BBS9: variants seen among roughly 807,000 people sequenced by gnomAD.
The protein encoded by BBS9 is Bardet-Biedl syndrome 9, also known as protein PTHB1.
Under a neutral mutation model 117.7 loss-of-function variants are expected in BBS9, and 89 were observed. The ratio of observed to expected loss-of-function variants is 0.76; its 90% confidence interval spans 0.64 to 0.90. The LOEUF is 0.90. Ranked by LOEUF, BBS9 falls within the 40% of genes least tolerant of loss-of-function variation. The pLI, the probability that BBS9 is intolerant of heterozygous loss-of-function variation, is 0.00. For missense variants in BBS9, 982 were observed against 1,042.2 expected, an observed-to-expected ratio of 0.94 and a Z score of 0.80; for synonymous variants, 379 against 370.9, an observed-to-expected ratio of 1.02 and a Z score of -0.25.
At chr7:33,264,644 A>G (rs1798511368) in intron 7 of BBS9, among the ~76,000 whole-genome samples, 1 of 152,144 alleles carries the variant, frequency 6.6e-6, no homozygotes, top group Non-Finnish European at 1.5e-5. Context: ...ACAAATAAAA[A>G]TAGAAACATT....
rs556897789 is a variant in BBS9, at chr7:33,365,642, C to T, written c.1694-2125C>T. Among the ~76,000 whole-genome samples the T allele has an allele frequency of 6.6e-5, 10 of 152,310 alleles. No homozygotes were observed. The East Asian group carries it at 1.9e-3, about 29-fold the overall frequency. On this transcript the variant is annotated intron_variant, in intron 16 of 22. Transcript: ENST00000242067. ...GTTTCCAGTGCCTGATGAGTGGTAC[C>T]TATGGAGATGCCATGGAGCCAAGTC...
At chr7:33,317,590 A>G (rs575806186) in intron 9 of BBS9, among the ~76,000 whole-genome samples, 24 of 152,302 alleles carry the variant, frequency 1.6e-4, no homozygotes, top group African/African-American at 5.3e-4. Flanking sequence ...TTCACCCCCT[A>G]AAGATGTTTG....
intron 21 of BBS9, among the ~76,000 whole-genome samples, chr7:33,631,394 A>C (rs1865884661): frequency 6.6e-6 from 1 of 152,158 alleles, no homozygotes; most frequent in South Asian, 2.1e-4. Flanking sequence ...TTCTCTGGAA[A>C]GGCTTTAATG....
intron 19 of BBS9, among the ~76,000 whole-genome samples, chr7:33,421,185 T>G (rs1020731778): frequency 1.3e-5 from 2 of 152,118 alleles, no homozygotes; most frequent in African/African-American, 4.8e-5. Context: ...TTTAATTTTT[T>G]TTTTTTTTAC....
rs751604593 is a variant in BBS9 at position 33,340,947 on chromosome 7, G to A, written c.1249G>A (p.Val417Ile). Residue 417 changes from valine (V) to isoleucine (I), a missense_variant, in exon 11 of 23, where the codon GTT becomes ATT. Val to Ile is a conservative substitution (Grantham distance 29). Coordinates refer to ENST00000242067, the MANE Select transcript of BBS9 (RefSeq NM_198428.3). ...REDDLNVSVV[V>I]SPNFDSVSQA... The stretch of plus-strand genomic sequence containing the variant: ...AGATGACTTGAACGTTTCTGTCGTG[G>A]TTTCTCCTAACTTTGATTCAGTTTC... The A allele has an allele frequency of 9.3e-6, 15 of 1,613,498 alleles. No homozygotes were observed. In the South Asian group the frequency reaches 1.6e-4, roughly 18 times the overall value.
At chr7:33,569,552 G>C (rs553754678) in intron 21 of BBS9, among the ~76,000 whole-genome samples, 229 of 151,586 alleles carry the variant, frequency 1.5e-3, no homozygotes, top group African/African-American at 5.3e-3. Flanking sequence ...TCAGGAGATC[G>C]AGACCATCCT....
At chr7:33,413,810 T>G (rs1335383546) in intron 19 of BBS9, among the ~76,000 whole-genome samples, 1 of 151,784 alleles carries the variant, frequency 6.6e-6, no homozygotes, top group Non-Finnish European at 1.5e-5. Context: ...TCACCTGAGG[T>G]CAGGAGTTTG....
intron 9 of BBS9, among the ~76,000 whole-genome samples, 165 bp downstream of exon 9, chr7:33,274,121 G>A (rs905899095): frequency 3.3e-5 from 5 of 152,108 alleles, no homozygotes; most frequent in African/African-American, 1.2e-4. Context: ...TTATTGGAAA[G>A]GAAGGATAAT....
intron 17 of BBS9, among the ~76,000 whole-genome samples, chr7:33,382,569 G>A (rs1331326473): frequency 2.6e-5 from 4 of 152,086 alleles, no homozygotes; most frequent in Non-Finnish European, 5.9e-5. Flanking sequence ...CTAGTGAACT[G>A]TAGACATAGT....
intron 5 of BBS9, among the ~76,000 whole-genome samples, chr7:33,243,950 G>C (rs1014366968): frequency 6.6e-6 from 1 of 152,094 alleles, no homozygotes; most frequent in Admixed American, 6.5e-5. Flanking sequence ...GGGGCCAGGC[G>C]GAGTGGCTCA....
At chr7:33,205,859 G>C (rs1299145965) in intron 5 of BBS9, among the ~76,000 whole-genome samples, 8 of 152,088 alleles carry the variant, frequency 5.3e-5, no homozygotes, top group Non-Finnish European at 8.8e-5. Context: ...TCACTGTCTT[G>C]ATTTGACAGT....
At chr7:33,177,861 C>A in intron 5 of BBS9, 1 of 361,684 alleles carries the variant, frequency 2.8e-6, no homozygotes, top group Non-Finnish European at 5.1e-6. Flanking sequence ...TAAAAAAAAA[C>A]CTTTAAACAT....
rs1283079942 is a variant in BBS9 at position 33,273,041 on chromosome 7, A to T, written c.732A>T (p.Gln244His). Reference sequence around the variant, plus strand: ...ATTGGACTCTAAATATTGGAGAGCAAGCCCTTGACATATGTATTGTCTCTT... The same window carrying T: ...ATTGGACTCTAAATATTGGAGAGCATGCCCTTGACATATGTATTGTCTCTT... ...VVDWTLNIGEQALDICIVSFN... is the reference protein window; with the variant it reads ...VVDWTLNIGEHALDICIVSFN... Residue 244 changes from glutamine (Q) to histidine (H), a missense_variant, in exon 8 of 23, where the codon CAA (glutamine) becomes CAT (histidine). Gln to His is a conservative substitution (Grantham distance 24). Transcript: ENST00000242067. The T allele has an allele frequency of 3.1e-6, 5 of 1,613,568 alleles. No homozygotes were observed. Among genetic ancestry groups the T allele is most frequent in the Non-Finnish European group, 4.2e-6 (5 of 1,179,750 alleles).
chr7:33,159,909 A>G (rs187460597), intron 4 of BBS9, among the ~76,000 whole-genome samples: 79 of 152,304 alleles, frequency 5.2e-4, no homozygotes, highest in African/African-American at 1.9e-3. Flanking sequence ...CAAACCAACT[A>G]AAATTAAATA....
At chr7:33,149,667 C>CT (rs11443380) in intron 2 of BBS9, among the ~76,000 whole-genome samples, 15,172 of 152,204 alleles carry the variant, frequency 0.1, 825 homozygotes, top group South Asian at 0.13. Context: ...GCAAATAAGA[C>CT]TGACTAATGG....
chr7:33,513,738 A>G (rs1054873589), intron 20 of BBS9, among the ~76,000 whole-genome samples: 1 of 152,220 alleles, frequency 6.6e-6, no homozygotes, highest in Non-Finnish European at 1.5e-5. Flanking sequence ...ACATATCCTC[A>G]TAATTCAAGT....
At chr7:33,203,215 C>T (rs1045724874) in intron 5 of BBS9, among the ~76,000 whole-genome samples, 7 of 152,158 alleles carry the variant, frequency 4.6e-5, no homozygotes, top group African/African-American at 7.2e-5. Flanking sequence ...AAAAACTACA[C>T]GTTTGCTATA....
chr7:33,133,719 G>A (rs1789984965), intron 1 of BBS9, among the ~76,000 whole-genome samples: 1 of 152,102 alleles, frequency 6.6e-6, no homozygotes, highest in Admixed American at 6.6e-5. Flanking sequence ...CATTTGGGTT[G>A]TTTCCAAATT....
intron 20 of BBS9, among the ~76,000 whole-genome samples, chr7:33,510,943 A>G (rs138934931): frequency 7.3e-4 from 111 of 152,130 alleles, no homozygotes; most frequent in East Asian, 1.4e-3. Context: ...TGCAGTACCT[A>G]TTTGTGATAT....
Sources: allele counts gnomAD v4.1 joint callset (sites outside exome capture counted in the v4.1 genomes callset), GRCh38; gene constraint gnomAD v4.1.1; transcripts MANE v1.5; gene names NCBI Gene and HGNC (gene_info 2026-07-23, HGNC 2026-07-21).